UNC13C: variants seen among roughly 807,000 people sequenced by gnomAD.
The protein encoded by UNC13C is unc-13 homolog C.
In UNC13C, 174 loss-of-function variants were observed where a neutral mutation model predicts 245.4. The observed-to-expected ratio is 0.71, with a 90% CI of 0.63 to 0.80. UNC13C has a LOEUF of 0.80. Ranked by LOEUF, UNC13C falls within the 30% of genes least tolerant of loss-of-function variation. The probability of loss-of-function intolerance (pLI) is 0.00; values close to 1 mark genes in which losing one functional copy is unlikely to be tolerated. For missense variants in UNC13C, 2,829 were observed against 2,602.9 expected, an observed-to-expected ratio of 1.09 and a Z score of -1.89; for synonymous variants, 992 against 895.1, an observed-to-expected ratio of 1.11 and a Z score of -1.93.
the UNC13C span, among the ~76,000 whole-genome samples, chr15:53,851,829 A>T: frequency 6.6e-6 from 1 of 152,210 alleles, no homozygotes; most frequent in Non-Finnish European, 1.5e-5. Flanking sequence ...AGGACAGCTG[A>T]ACATGTGGAG....
In UNC13C at chr15:54,065,626, T is replaced by C. The variant is rs566792693; in HGVS notation, c.2983+49740T>C. Reference sequence around the variant, plus strand: ...AGTAAGAATGCAAGATGCTGGGCTCTTTCTTTAGGGTGGCTTTGCCATCCT... The same window carrying C: ...AGTAAGAATGCAAGATGCTGGGCTCCTTCTTTAGGGTGGCTTTGCCATCCT... On this transcript the variant is annotated intron_variant, in intron 2 of 32. Coordinates refer to ENST00000260323, the MANE Select transcript of UNC13C (RefSeq NM_001080534.3). Among the ~76,000 whole-genome samples the C allele has an allele frequency of 3.9e-5, 6 of 152,232 alleles. 1 individual carries two copies. Among genetic ancestry groups the C allele is most frequent in the Admixed American group, 3.9e-4 (6 of 15,288 alleles).
intron 19 of UNC13C, among the ~76,000 whole-genome samples, chr15:54,468,854 T>A (rs183502157): frequency 2.1e-4 from 32 of 151,830 alleles, no homozygotes; most frequent in Non-Finnish European, 3.5e-4. Context: ...TATAGCTTTG[T>A]AAGTATTTTG....
chr15:54,366,008 A>G (rs1596289006), intron 17 of UNC13C, among the ~76,000 whole-genome samples: 1 of 152,202 alleles, frequency 6.6e-6, no homozygotes, highest in South Asian at 2.1e-4. Context: ...AAAGTGTTCC[A>G]GGAGAGTTTG....
intron 30 of UNC13C, among the ~76,000 whole-genome samples, chr15:54,619,473 C>T (rs905412910): frequency 1.3e-5 from 2 of 152,226 alleles, no homozygotes; most frequent in Admixed American, 6.5e-5. Context: ...TTTGTAACTG[C>T]GAAACAAAGT....
downstream of UNC13C, chr15:54,631,172 C>T (rs1901450914): frequency 6.6e-6 from 1 of 150,916 alleles, no homozygotes; most frequent in African/African-American, 2.5e-5. Flanking sequence ...GTGGCAAAGC[C>T]CCATCTCTAC....
intron 26 of UNC13C, among the ~76,000 whole-genome samples, chr15:54,543,963 GAT>G (rs1242030992): frequency 3.9e-5 from 6 of 152,118 alleles, no homozygotes; most frequent in African/African-American, 1.4e-4. Context: ...GCATCATCCT[GAT>G]AACAAAACCT....
intron 4 of UNC13C, among the ~76,000 whole-genome samples, chr15:54,149,187 G>A (rs190573824): frequency 1.3e-5 from 2 of 152,094 alleles, no homozygotes; most frequent in African/African-American, 4.8e-5. Context: ...ATTTCCTGAG[G>A]TCTCCCCAGA....
intron 13 of UNC13C, among the ~76,000 whole-genome samples, chr15:54,304,113 C>T (rs1322938944): frequency 1.3e-5 from 2 of 151,948 alleles, no homozygotes; most frequent in Non-Finnish European, 2.9e-5. Context: ...GTCTCTGTTA[C>T]ACTGCTTAGC....
chr15:54,348,145 C>T (rs1387443010), intron 17 of UNC13C, among the ~76,000 whole-genome samples: 2 of 152,126 alleles, frequency 1.3e-5, no homozygotes, highest in African/African-American at 2.4e-5. Flanking sequence ...ACAGCATGTA[C>T]AGCAATTTAC....
chr15:54,109,601 C>A (rs979705535), intron 2 of UNC13C, among the ~76,000 whole-genome samples: 1 of 151,952 alleles, frequency 6.6e-6, no homozygotes, highest in South Asian at 2.1e-4. Context: ...CTCGGCCTCC[C>A]AAAGTACTGG....
intron 4 of UNC13C, among the ~76,000 whole-genome samples, chr15:54,178,230 T>G (rs2033680290): frequency 6.6e-6 from 1 of 152,086 alleles, no homozygotes; most frequent in African/African-American, 2.4e-5. Context: ...AACAGATCTG[T>G]TTGTTTGAAG....
Position 53,978,485 on chromosome 15 carries a change from C to A in UNC13C, c.-699C>A, listed in dbSNP as rs1263545488. On this transcript the variant is annotated 5_prime_UTR_variant, in exon 1 of 33. Transcript: ENST00000260323. ...CCGGCGATGTGTGAAGTTCCCAGCA[C>A]GCACTCAGCCCGGCTGCTCCTCACC... Among the ~76,000 whole-genome samples, 16 of 152,146 alleles carry A rather than the reference C, an allele frequency of 1.1e-4. No homozygotes were observed. The highest frequency in any genetic ancestry group is 1.0e-3 in the Admixed American group (16 of 15,266).
At chr15:54,361,130 A>G (rs2039221145) in intron 17 of UNC13C, among the ~76,000 whole-genome samples, 1 of 152,036 alleles carries the variant, frequency 6.6e-6, no homozygotes, top group Admixed American at 6.6e-5. Flanking sequence ...GTGGCTCATA[A>G]TTCTCATAGG....
chr15:54,317,194 A>G (rs1039073162), intron 13 of UNC13C, among the ~76,000 whole-genome samples: 2 of 152,124 alleles, frequency 1.3e-5, no homozygotes, highest in Non-Finnish European at 1.5e-5. Flanking sequence ...AGAGAAGCTT[A>G]AAGTGTGAAT....
chr15:54,078,706 A>G (rs117507070), intron 2 of UNC13C, among the ~76,000 whole-genome samples: 434 of 152,082 alleles, frequency 2.9e-3, no homozygotes, highest in Non-Finnish European at 4.9e-3. Context: ...TAAGTTTCTC[A>G]TAAATTCTGG....
the UNC13C span, among the ~76,000 whole-genome samples, chr15:53,929,748 C>G: frequency 5.3e-5 from 8 of 152,164 alleles, no homozygotes; most frequent in Non-Finnish European, 8.8e-5. Context: ...GTCATGTTAT[C>G]TGGCACTGCA....
the UNC13C span, among the ~76,000 whole-genome samples, chr15:53,965,171 A>C: frequency 6.6e-6 from 1 of 152,196 alleles, no homozygotes. Context: ...TTTATTATGT[A>C]AAATTTTTAA....
At chr15:54,119,008 G>T (rs1224656349) in intron 2 of UNC13C, among the ~76,000 whole-genome samples, 1 of 149,980 alleles carries the variant, frequency 6.7e-6, no homozygotes, top group Non-Finnish European at 1.5e-5. Flanking sequence ...TGATCATGGT[G>T]AATGAGTTTG....
intron 1 of UNC13C, among the ~76,000 whole-genome samples, chr15:53,999,010 T>C (rs62009771): frequency 0.46 from 69,842 of 151,790 alleles, 17,984 homozygotes; most frequent in Non-Finnish European, 0.58. Context: ...TGCTAATGTT[T>C]TGTTAAACAT....
Sources: allele counts gnomAD v4.1 joint callset (sites outside exome capture counted in the v4.1 genomes callset), GRCh38; gene constraint gnomAD v4.1.1; transcripts MANE v1.5; gene names NCBI Gene and HGNC (gene_info 2026-07-23, HGNC 2026-07-21).